Variants in TNR observed in about 807,000 individuals in gnomAD.
The protein encoded by TNR is tenascin R.
A neutral mutation model predicts 150.4 loss-of-function variants in TNR; 45 were observed. That is an observed-to-expected ratio of 0.30 (90% confidence interval 0.24 to 0.38). The LOEUF (loss-of-function observed/expected upper bound fraction) is 0.38, where lower values mean the gene tolerates loss of function less well. Ranked by LOEUF, TNR falls within the 10% of genes least tolerant of loss-of-function variation. TNR has a pLI of 1.00. For synonymous variants in TNR, 687 were observed against 678.4 expected (o/e 1.01, Z -0.20); for missense variants, 1,544 against 1,759.1 (o/e 0.88, Z 2.19).
intron 1 of TNR, among the ~76,000 whole-genome samples, chr1:175,535,124 C>A (rs1660219413): frequency 6.6e-6 from 1 of 152,162 alleles, no homozygotes; most frequent in Non-Finnish European, 1.5e-5. Flanking sequence ...AGGGGCCATG[C>A]TGAGAAGGGC....
chr1:175,708,533 C>A (rs574398375), intron 1 of TNR, among the ~76,000 whole-genome samples: 2 of 152,244 alleles, frequency 1.3e-5, no homozygotes, highest in African/African-American at 4.8e-5. Context: ...AGTTTTGTAA[C>A]GGGAAGGAAG....
At chr1:175,427,743 CTT>C (rs1655068731) in intron 2 of TNR, among the ~76,000 whole-genome samples, 1 of 136,564 alleles carries the variant, frequency 7.3e-6, no homozygotes. Flanking sequence ...TCCTTCCTTC[CTT>C]CCTTCCTTCC....
intron 2 of TNR, among the ~76,000 whole-genome samples, chr1:175,440,974 G>T (rs1280213906): frequency 6.6e-6 from 1 of 152,144 alleles, no homozygotes; most frequent in South Asian, 2.1e-4. Context: ...TACTGTATAT[G>T]GCCATAAAGG....
intron 1 of TNR, among the ~76,000 whole-genome samples, chr1:175,736,292 C>T (rs528580772): frequency 6.6e-6 from 1 of 152,052 alleles, no homozygotes; most frequent in African/African-American, 2.4e-5. Flanking sequence ...GAGGCCAAGG[C>T]GGGTGGATCA....
intron 1 of TNR, among the ~76,000 whole-genome samples, chr1:175,543,756 T>G (rs1343121136): frequency 3.3e-5 from 5 of 152,114 alleles, no homozygotes; most frequent in African/African-American, 4.8e-5. Context: ...ATGTTACCTA[T>G]TGTGAAGTAG....
chr1:175,632,586 G>A (rs1335548512), intron 1 of TNR, among the ~76,000 whole-genome samples: 2 of 152,204 alleles, frequency 1.3e-5, no homozygotes, highest in African/African-American at 4.8e-5. Context: ...AAGTACTTCT[G>A]TATATTTGTA....
intron 1 of TNR, among the ~76,000 whole-genome samples, chr1:175,613,952 T>C (rs1571676960): frequency 6.6e-6 from 1 of 152,192 alleles, no homozygotes; most frequent in South Asian, 2.1e-4. Flanking sequence ...ATGAACCCGG[T>C]CAAATCCTAG....
At chr1:175,368,999 C>A (rs1651967041) in intron 9 of TNR, among the ~76,000 whole-genome samples, 1 of 152,008 alleles carries the variant, frequency 6.6e-6, no homozygotes. Flanking sequence ...CAAAAAAACC[C>A]AACAAAATCA....
intron 18 of TNR, among the ~76,000 whole-genome samples, chr1:175,339,163 T>C (rs924653244): frequency 2.0e-5 from 3 of 152,214 alleles, no homozygotes; most frequent in Admixed American, 2.0e-4. Context: ...ATGACTCAGA[T>C]TGCTGGAACT....
At chr1:175,336,351 G>T (rs560966304) in intron 19 of TNR, among the ~76,000 whole-genome samples, 5 of 152,322 alleles carry the variant, frequency 3.3e-5, no homozygotes, top group African/African-American at 1.2e-4. Flanking sequence ...CTTTAAGAAG[G>T]AGGCACACAT....
chr1:175,418,932 C>T (rs1654630953), intron 2 of TNR, among the ~76,000 whole-genome samples: 1 of 152,172 alleles, frequency 6.6e-6, no homozygotes, highest in South Asian at 2.1e-4. Flanking sequence ...CAAAGCAGGG[C>T]ATAACATGAT....
intron 2 of TNR, among the ~76,000 whole-genome samples, chr1:175,425,758 C>A (rs556543961): frequency 2.0e-5 from 3 of 152,104 alleles, no homozygotes; most frequent in Non-Finnish European, 4.4e-5. Flanking sequence ...TTTTTTTCAA[C>A]ATTTCTATAG....
In TNR at chr1:175,711,762, C is replaced by G. The variant is rs181363886; in HGVS notation, c.-165+31464G>C. Among the ~76,000 whole-genome samples the G allele has an allele frequency of 8.1e-4, 123 of 152,186 alleles. No individual in the cohort carries two copies. In the Middle Eastern group the frequency reaches 0.014, roughly 17 times the overall value. On this transcript the variant is annotated intron_variant, in intron 1 of 22. Transcript: ENST00000367674. ...CTTAAAGATGGAACGAATGGGGATC[C>G]ATGAGAGAGTGAGAGCAGTCGAGGT...
At chr1:175,416,735 G>A (rs770026265) in intron 2 of TNR, among the ~76,000 whole-genome samples, 39 of 152,164 alleles carry the variant, frequency 2.6e-4, no homozygotes, top group Non-Finnish European at 4.6e-4. Context: ...TGGGCCGGGT[G>A]CGGTGGCTCA....
intron 1 of TNR, among the ~76,000 whole-genome samples, chr1:175,538,158 A>G (rs1486902143): frequency 2.6e-5 from 4 of 152,178 alleles, no homozygotes; most frequent in African/African-American, 4.8e-5. Flanking sequence ...TTGGGCTGTG[A>G]CCATGGCTAG....
intron 1 of TNR, among the ~76,000 whole-genome samples, chr1:175,674,010 GAAT>G (rs1665779271): frequency 6.6e-6 from 1 of 152,200 alleles, no homozygotes; most frequent in African/African-American, 2.4e-5. Flanking sequence ...CAGCACTGTG[GAAT>G]AATAGTGCTG....
chr1:175,555,322 C>T (rs926071200), intron 1 of TNR, among the ~76,000 whole-genome samples: 1 of 152,074 alleles, frequency 6.6e-6, no homozygotes, highest in Non-Finnish European at 1.5e-5. Context: ...TCCAGTTACT[C>T]CTTTAGAAGC....
chr1:175,527,592 G>A (rs1195348591), intron 2 of TNR, among the ~76,000 whole-genome samples: 1 of 152,178 alleles, frequency 6.6e-6, no homozygotes, highest in Non-Finnish European at 1.5e-5. Flanking sequence ...AAAGTTCCCA[G>A]TTCAGTATAT....
At chr1:175,573,675 T>C (rs1661979301) in intron 1 of TNR, among the ~76,000 whole-genome samples, 1 of 152,104 alleles carries the variant, frequency 6.6e-6, no homozygotes, top group Admixed American at 6.5e-5. Flanking sequence ...GCTTATCCGA[T>C]TGTATGTTGC....
Sources: gnomAD v4.1 joint callset for allele counts (sites outside exome capture counted in the v4.1 genomes callset) on GRCh38, gnomAD v4.1.1 for gene constraint, MANE v1.5 for transcripts, NCBI Gene and HGNC (gene_info 2026-07-23, HGNC 2026-07-21) for gene names.